PFKFB3: variants seen among roughly 807,000 people sequenced by gnomAD.
The protein encoded by PFKFB3 is 6-phosphofructo-2-kinase/fructose-2,6-biphosphatase 3, also known as 6-phosphofructo-2-kinase/fructose-2,6-bisphosphatase 3.
In PFKFB3, 33 loss-of-function variants were observed where a neutral mutation model predicts 68.0. The ratio of observed to expected loss-of-function variants is 0.49; its 90% confidence interval spans 0.37 to 0.65. PFKFB3 has a LOEUF of 0.65. PFKFB3 is among the 30% of genes least tolerant of loss of function. The pLI, the probability that PFKFB3 is intolerant of heterozygous loss-of-function variation, is 0.00. For synonymous variants in PFKFB3, 315 were observed against 288.2 expected (o/e 1.09, Z -0.94); for missense variants, 586 against 712.2 (o/e 0.82, Z 2.02).
chr10:6,218,255 G>T (rs1373190987), intron 6 of PFKFB3, among the ~76,000 whole-genome samples: 7 of 152,120 alleles, frequency 4.6e-5, no homozygotes, highest in African/African-American at 1.7e-4. Flanking sequence ...TCCACTAGCA[G>T]ATAATCATTT....
chr10:6,326,466 A>G, the PFKFB3 span: 1 of 438,160 alleles, frequency 2.3e-6, no homozygotes. Flanking sequence ...AAAAGAATGA[A>G]CGTGGTCTAT....
chr10:6,216,274 G>A (rs1160151438), intron 4 of PFKFB3, 83 bp downstream of exon 4: 5 of 1,300,666 alleles, frequency 3.8e-6, no homozygotes, highest in Non-Finnish European at 5.6e-6. Flanking sequence ...ACCGAGACCT[G>A]TGCCTCTGGC....
chr10:6,209,654 G>A (rs183242998), intron 1 of PFKFB3, among the ~76,000 whole-genome samples: 2,441 of 151,482 alleles, frequency 0.016, 38 homozygotes, highest in Non-Finnish European at 0.023. Flanking sequence ...TAGTATAGAC[G>A]GGGTTTTGCC....
intron 1 of PFKFB3, among the ~76,000 whole-genome samples, chr10:6,206,927 A>T (rs71479764): frequency 1.3e-5 from 1 of 79,446 alleles, no homozygotes. Context: ...ATGGGCGGCC[A>T]GGCAGAGACA....
At chr10:6,286,068 C>A in the PFKFB3 span, among the ~76,000 whole-genome samples, 1 of 150,074 alleles carries the variant, frequency 6.7e-6, no homozygotes, top group South Asian at 2.1e-4. Flanking sequence ...AACTCCACCT[C>A]CCGGGTTCAC....
At chr10:6,203,371 G>T in intron 1 of PFKFB3, 35 bp downstream of exon 1, 2 of 1,524,224 alleles carry the variant, frequency 1.3e-6, no homozygotes, top group East Asian at 2.5e-5. Context: ...GTTGCAGGGC[G>T]GGCTGCGCCG....
intron 1 of PFKFB3, among the ~76,000 whole-genome samples, chr10:6,180,438 TTTTTC>T (rs1301763475): frequency 1.3e-5 from 2 of 152,144 alleles, no homozygotes; most frequent in Non-Finnish European, 2.9e-5. Context: ...TTCTTCAAGT[TTTTTC>T]TTTTCTTTCC....
the PFKFB3 span, among the ~76,000 whole-genome samples, chr10:6,272,942 TC>T: frequency 6.6e-6 from 1 of 151,446 alleles, no homozygotes; most frequent in East Asian, 1.9e-4. Context: ...AGAAAATACT[TC>T]CCATTCTCCT....
intron 1 of PFKFB3, among the ~76,000 whole-genome samples, chr10:6,196,704 C>T (rs950140341): frequency 3.3e-5 from 5 of 152,102 alleles, no homozygotes; most frequent in Admixed American, 6.6e-5. Flanking sequence ...TCCACCCAGA[C>T]GGAGGGTGGG....
upstream of PFKFB3, among the ~76,000 whole-genome samples, chr10:6,198,702 C>T (rs1048191715): frequency 1.3e-5 from 2 of 152,216 alleles, no homozygotes; most frequent in African/African-American, 2.4e-5. Flanking sequence ...AGGCTGGTCT[C>T]GAACTCCTGA....
intron 1 of PFKFB3, among the ~76,000 whole-genome samples, chr10:6,187,131 C>T (rs1303108681): frequency 2.6e-5 from 4 of 151,222 alleles, no homozygotes; most frequent in African/African-American, 2.4e-5. Flanking sequence ...GAGGCCAAGG[C>T]GGGCAGATCA....
chr10:6,154,267 G>T lies in PFKFB3; in HGVS notation c.16+9254G>T, dbSNP rs573317711. Among the ~76,000 whole-genome samples, 39 of 150,602 alleles carry T rather than the reference G, an allele frequency of 2.6e-4. 1 individual carries two copies. Among genetic ancestry groups the T allele is most frequent in the Non-Finnish European group, 4.1e-4 (28 of 67,612 alleles). ...GAATTAATTTTTTTTTTTTTTTGAGGCAGGGTCCCACTCTGTTGGCCAGGC... is the reference window on the plus strand; with the variant it reads ...GAATTAATTTTTTTTTTTTTTTGAGTCAGGGTCCCACTCTGTTGGCCAGGC... On this transcript the variant is annotated intron_variant, in intron 1 of 14. Transcript: ENST00000379789. This position sits in a 1 kb window ranked among gnomAD's most constrained non-coding sequence, Gnocchi z 4.6.
chr10:6,276,432 C>T, the PFKFB3 span, among the ~76,000 whole-genome samples: 10 of 151,198 alleles, frequency 6.6e-5, no homozygotes, highest in Non-Finnish European at 1.5e-4. Flanking sequence ...CAAAAAATGC[C>T]AAAAAGAGAA....
At chr10:6,312,664 G>T in the PFKFB3 span, among the ~76,000 whole-genome samples, 1 of 152,188 alleles carries the variant, frequency 6.6e-6, no homozygotes, top group Non-Finnish European at 1.5e-5. Flanking sequence ...GAGTTTTAAT[G>T]ATATGTTAAG....
exon 1 of PFKFB3, chr10:6,144,971 G>A: frequency 1.6e-6 from 2 of 1,283,662 alleles, no homozygotes; most frequent in Non-Finnish European, 2.0e-6. Context: ...GTCGCGGGCC[G>A]GCCCCGCGGG....
chr10:6,156,584 T>C (rs1225761056), intron 1 of PFKFB3, among the ~76,000 whole-genome samples: 1 of 152,070 alleles, frequency 6.6e-6, no homozygotes, highest in Non-Finnish European at 1.5e-5. Flanking sequence ...CTCGGCTCAC[T>C]GCAACCTCTG....
chr10:6,249,199 AAAAAGAAAAG>A (rs1282708311), intron 14 of PFKFB3, among the ~76,000 whole-genome samples: 1 of 146,908 alleles, frequency 6.8e-6, no homozygotes, highest in Non-Finnish European at 1.5e-5. Context: ...AAAAAAAAAA[AAAAAGAAAAG>A]AAAAGGAAAC....
chr10:6,198,895 G>T (rs1843245672), upstream of PFKFB3, among the ~76,000 whole-genome samples: 1 of 152,184 alleles, frequency 6.6e-6, no homozygotes, highest in Non-Finnish European at 1.5e-5. Context: ...CATCTTGGTT[G>T]TTTCCATATT....
At chr10:6,269,805 G>A in the PFKFB3 span, among the ~76,000 whole-genome samples, 2 of 152,148 alleles carry the variant, frequency 1.3e-5, no homozygotes, top group African/African-American at 4.8e-5. Flanking sequence ...GCCATATGAT[G>A]TGACTCTATC....
Sources: gnomAD v4.1 joint callset for allele counts (sites outside exome capture counted in the v4.1 genomes callset) on GRCh38, gnomAD v4.1.1 for gene constraint, Gnocchi (gnomAD v3.1) non-coding constraint, MANE v1.5 for transcripts, NCBI Gene and HGNC (gene_info 2026-07-23, HGNC 2026-07-21) for gene names.